MACROD2: variants seen among roughly 807,000 people sequenced by gnomAD.
MACROD2 encodes the protein mono-ADP ribosylhydrolase 2.
A neutral mutation model predicts 70.4 loss-of-function variants in MACROD2; 36 were observed. The observed-to-expected ratio is 0.51, with a 90% CI of 0.39 to 0.68. MACROD2 has a LOEUF of 0.68. MACROD2 is among the 30% of genes least tolerant of loss of function. The pLI is 0.00. For synonymous variants in MACROD2, 172 were observed against 178.8 expected, an observed-to-expected ratio of 0.96 and a Z score of 0.30; for missense variants, 496 against 538.4, an observed-to-expected ratio of 0.92 and a Z score of 0.78.
intron 5 of MACROD2, among the ~76,000 whole-genome samples, chr20:14,950,285 G>A (rs1474227077): frequency 6.6e-6 from 1 of 152,090 alleles, no homozygotes; most frequent in East Asian, 1.9e-4. Context: ...GCAGACACTG[G>A]TTGTTCATTA....
rs2077870578 is a variant in MACROD2 at position 15,321,164 on chromosome 20, A to G, written c.540+91103A>G. ...AAGTCAGTTGATAGGGCTGCCAGGC[A>G]GACAGTGAGCAGAATTCTTTCTGGA... On this transcript the variant is annotated intron_variant, in intron 6 of 17. Transcript: ENST00000684519. 1.9e-5 allele frequency among the ~76,000 whole-genome samples: 2 copies of G among 105,760 alleles called. 1 individual carries two copies. Among genetic ancestry groups the G allele is most frequent in the Non-Finnish European group, 4.8e-5 (2 of 41,784 alleles). The allele number at this position is 105,760 out of a possible 152,430, so 69.4% of individuals were successfully genotyped here.
intron 5 of MACROD2, among the ~76,000 whole-genome samples, chr20:15,093,755 T>C (rs1050897972): frequency 3.9e-5 from 6 of 152,178 alleles, no homozygotes; most frequent in African/African-American, 1.4e-4. Flanking sequence ...TACAATTATT[T>C]CTGCATCTTA....
At chr20:14,457,413 C>T (rs1298640047) in intron 3 of MACROD2, among the ~76,000 whole-genome samples, 2 of 152,072 alleles carry the variant, frequency 1.3e-5, no homozygotes, top group East Asian at 3.9e-4. Context: ...AAAGTGAAGA[C>T]ATTCACCAAA....
At chr20:14,493,633 G>C in intron 4 of MACROD2, 125 bp downstream of exon 4, 2 of 712,828 alleles carry the variant, frequency 2.8e-6, no homozygotes, top group South Asian at 3.6e-5. Context: ...TTACAAAAAT[G>C]TTAATCTTTC....
intron 6 of MACROD2, among the ~76,000 whole-genome samples, chr20:15,324,085 A>G (rs2077901438): frequency 6.6e-6 from 1 of 150,880 alleles, no homozygotes; most frequent in Admixed American, 6.6e-5. Context: ...TACTTGCCCC[A>G]TTTTTTTTTA....
chr20:16,028,354 A>T lies in MACROD2; in HGVS notation c.1154-12847A>T, dbSNP rs1404656478. On this transcript the variant is annotated intron_variant, in intron 15 of 17. Transcript: ENST00000684519. ...GTGCCTCATTCATTTTGTATCCCAG[A>T]ACATAATAGGCATTGAAGTACCTGG... Among the ~76,000 whole-genome samples, 9 of 150,438 alleles carry T rather than the reference A, an allele frequency of 6.0e-5. No homozygotes were observed. In the East Asian group the frequency reaches 1.8e-3, roughly 30 times the overall value.
chr20:15,010,254 C>T (rs1182235141), intron 5 of MACROD2, among the ~76,000 whole-genome samples: 1 of 152,156 alleles, frequency 6.6e-6, no homozygotes, highest in Non-Finnish European at 1.5e-5. Context: ...AAATCAGCAC[C>T]AGCCAAAAGT....
chr20:14,447,536 C>A (rs1245712034), intron 3 of MACROD2, among the ~76,000 whole-genome samples: 1 of 151,018 alleles, frequency 6.6e-6, no homozygotes, highest in African/African-American at 2.4e-5. Flanking sequence ...TCACACACTG[C>A]CTATAGGAAG....
At chr20:14,486,662 G>A (rs1229223314) in intron 3 of MACROD2, among the ~76,000 whole-genome samples, 1 of 151,698 alleles carries the variant, frequency 6.6e-6, no homozygotes, top group East Asian at 1.9e-4. Context: ...GGGATTACAG[G>A]CGTGTGCCAC....
rs140156116 is a variant in MACROD2 at position 14,256,629 on chromosome 20, T to C, written c.271+170901T>C. On this transcript the variant is annotated intron_variant, in intron 3 of 17. Coordinates refer to ENST00000684519, the MANE Select transcript of MACROD2 (RefSeq NM_001351661.2). The stretch of plus-strand genomic sequence containing the variant: ...GGAAGCTTGCCTTCATTTCTTGAGA[T>C]GCTAGCCTATTTAAGACCTTGCACT... Among the ~76,000 whole-genome samples, 455 of 152,280 alleles carry C rather than the reference T, an allele frequency of 3.0e-3. 1 individual carries two copies. The highest frequency in any genetic ancestry group is 0.01 in the African/African-American group (436 of 41,560).
intron 8 of MACROD2, among the ~76,000 whole-genome samples, chr20:15,793,419 A>G (rs1291643910): frequency 6.6e-6 from 1 of 152,176 alleles, no homozygotes; most frequent in African/African-American, 2.4e-5. Context: ...TTCACTTGAT[A>G]TCTTCCTGTT....
chr20:14,170,344 G>A (rs1401300121), intron 3 of MACROD2, among the ~76,000 whole-genome samples: 1 of 152,094 alleles, frequency 6.6e-6, no homozygotes, highest in Non-Finnish European at 1.5e-5. Context: ...ATTTCTTTCT[G>A]TTGTCTGATA....
intron 4 of MACROD2, among the ~76,000 whole-genome samples, chr20:14,538,844 G>T (rs79068693): frequency 9.3e-4 from 141 of 152,210 alleles, no homozygotes; most frequent in Non-Finnish European, 1.4e-3. Context: ...ATCCCATTCT[G>T]AAAAAGTACC....
At chr20:14,815,992 C>T (rs1407314785) in intron 5 of MACROD2, among the ~76,000 whole-genome samples, 3 of 152,010 alleles carry the variant, frequency 2.0e-5, no homozygotes, top group Non-Finnish European at 4.4e-5. Context: ...GCTGATTTTA[C>T]TCCTGAATAA....
chr20:14,490,007 A>G (rs1281917447), intron 3 of MACROD2, among the ~76,000 whole-genome samples: 1 of 151,966 alleles, frequency 6.6e-6, no homozygotes, highest in Non-Finnish European at 1.5e-5. Flanking sequence ...GACATAAGTT[A>G]CCTCTCCCAG....
intron 5 of MACROD2, among the ~76,000 whole-genome samples, chr20:14,812,168 G>A (rs188792722): frequency 6.6e-6 from 1 of 152,140 alleles, no homozygotes; most frequent in East Asian, 1.9e-4. Flanking sequence ...CAAAGGCTTG[G>A]AACCCACCCA....
intron 12 of MACROD2, among the ~76,000 whole-genome samples, chr20:15,960,567 G>A (rs140973311): frequency 1.3e-5 from 2 of 152,292 alleles, no homozygotes; most frequent in African/African-American, 4.8e-5. Context: ...GGTGAGGTGT[G>A]AGGAAGTGGG....
chr20:15,621,821 A>G (rs560299632), intron 8 of MACROD2, among the ~76,000 whole-genome samples: 1 of 152,240 alleles, frequency 6.6e-6, no homozygotes, highest in Non-Finnish European at 1.5e-5. Context: ...CGCAGAATGT[A>G]CTTTTAATAC....
chr20:14,423,224 A>T (rs1275108222), intron 3 of MACROD2, among the ~76,000 whole-genome samples: 2 of 152,140 alleles, frequency 1.3e-5, no homozygotes, highest in Non-Finnish European at 2.9e-5. Flanking sequence ...AGACACCACA[A>T]AATTTTCTAT....
Sources: gnomAD v4.1 joint callset for allele counts (sites outside exome capture counted in the v4.1 genomes callset) on GRCh38, gnomAD v4.1.1 for gene constraint, MANE v1.5 for transcripts, NCBI Gene and HGNC (gene_info 2026-07-23, HGNC 2026-07-21) for gene names.